NRXN3: variants seen among roughly 807,000 people sequenced by gnomAD.
NRXN3 encodes the protein neurexin III.
A neutral mutation model predicts 137.6 loss-of-function variants in NRXN3; 32 were observed. The ratio of observed to expected loss-of-function variants is 0.23; its 90% CI spans 0.18 to 0.31. The LOEUF (loss-of-function observed/expected upper bound fraction) is 0.31, where lower values mean the gene tolerates loss of function less well. NRXN3 is among the 10% of genes least tolerant of loss of function. NRXN3 has a pLI of 1.00. For synonymous variants in NRXN3, 798 were observed against 784.5 expected (o/e 1.02, Z -0.29); for missense variants, 1,574 against 2,062.5 (o/e 0.76, Z 4.59).
chr14:79,221,562 G>T (rs1027899978), intron 15 of NRXN3, among the ~76,000 whole-genome samples: 1 of 152,152 alleles, frequency 6.6e-6, no homozygotes, highest in African/African-American at 2.4e-5. Context: ...TTTGAGAAGT[G>T]TCTGCTCATA....
chr14:78,889,899 C>T (rs541872927), intron 10 of NRXN3, among the ~76,000 whole-genome samples: 15 of 151,966 alleles, frequency 9.9e-5, no homozygotes, highest in African/African-American at 3.1e-4. Context: ...ACAGGTGGGC[C>T]CTAAATCCAG....
chr14:79,409,596 A>AGTGT (rs34072420), intron 15 of NRXN3, among the ~76,000 whole-genome samples: 2,307 of 128,870 alleles, frequency 0.018, 48 homozygotes, highest in East Asian at 0.086. Flanking sequence ...TGTCTTAGCA[A>AGTGT]GTGTGTGTGT....
intron 6 of NRXN3, among the ~76,000 whole-genome samples, chr14:78,664,151 C>T (rs2097862453): frequency 6.6e-6 from 1 of 152,164 alleles, no homozygotes; most frequent in Non-Finnish European, 1.5e-5. Context: ...CTCCTCCTTC[C>T]CTCTCCCTTA....
At chr14:79,693,648 C>G (rs746376316) in intron 18 of NRXN3, among the ~76,000 whole-genome samples, 5 of 151,530 alleles carry the variant, frequency 3.3e-5, no homozygotes, top group Admixed American at 6.6e-5. Context: ...TAATAGCATG[C>G]CAGGCATTTT....
intron 15 of NRXN3, among the ~76,000 whole-genome samples, chr14:79,414,325 C>T (rs893419510): frequency 2.0e-5 from 3 of 152,022 alleles, no homozygotes; most frequent in African/African-American, 4.8e-5. Flanking sequence ...TTCAGCTCTC[C>T]CTTTTCTTAT....
intron 20 of NRXN3, among the ~76,000 whole-genome samples, chr14:79,808,193 T>C (rs1006353166): frequency 1.1e-4 from 17 of 148,512 alleles, no homozygotes; most frequent in African/African-American, 3.7e-4. Flanking sequence ...GCCAAGATCA[T>C]GCCACTGCTC....
intron 6 of NRXN3, among the ~76,000 whole-genome samples, chr14:78,692,355 T>C (rs2098179563): frequency 6.6e-6 from 1 of 152,166 alleles, no homozygotes; most frequent in African/African-American, 2.4e-5. Context: ...TTGGCCTGAT[T>C]AGATGGTACT....
At position 78,725,065 on chromosome 14, in the gene NRXN3, A is replaced by C. The variant is rs193248427; in HGVS notation, c.2044+9926A>C. On this transcript the variant is annotated intron_variant, in intron 8 of 20. Coordinates refer to ENST00000335750, the MANE Select transcript of NRXN3 (RefSeq NM_001330195.2). ...CAAGACACTCTTATCAAAATGACAAACCCCAACAGAGCCTTCTAAGAGGCC... is the reference window on the plus strand; with the variant it reads ...CAAGACACTCTTATCAAAATGACAACCCCCAACAGAGCCTTCTAAGAGGCC... 5.8e-4 allele frequency among the ~76,000 whole-genome samples: 89 copies of C among 152,188 alleles called. No homozygotes were observed. In the East Asian group the frequency reaches 0.015, roughly 25 times the overall value.
Position 78,424,899 on chromosome 14 carries a change from T to G in NRXN3, c.757+127039T>G, listed in dbSNP as rs1305812174. On this transcript the variant is annotated intron_variant, in intron 4 of 20. Transcript: ENST00000335750. The stretch of plus-strand genomic sequence containing the variant: ...TACATAGTGAAGTGGAATCTAGATT[T>G]AGAGAGAGGCAGTCTGGTGTAATTG... 2.0e-5 allele frequency among the ~76,000 whole-genome samples: 3 copies of G among 152,194 alleles called. No homozygotes were observed. The East Asian group carries it at 5.8e-4, about 29-fold the overall frequency.
chr14:79,408,400 C>A (rs980106378), intron 15 of NRXN3, among the ~76,000 whole-genome samples: 4 of 152,126 alleles, frequency 2.6e-5, no homozygotes, highest in African/African-American at 9.7e-5. Context: ...AACGTCACTA[C>A]AGTTAATTTT....
At chr14:78,570,684 G>A (rs2096881089) in intron 4 of NRXN3, among the ~76,000 whole-genome samples, 1 of 152,168 alleles carries the variant, frequency 6.6e-6, no homozygotes, top group Admixed American at 6.5e-5. Flanking sequence ...TTGAGTGTGA[G>A]GGAACAGAGG....
intron 1 of NRXN3, among the ~76,000 whole-genome samples, chr14:78,213,698 A>G (rs1201731520): frequency 1.3e-5 from 2 of 151,118 alleles, no homozygotes; most frequent in African/African-American, 4.9e-5. Flanking sequence ...GCTGTTGTCA[A>G]CTCTGCTCTC....
chr14:79,326,319 T>C (rs2090860902), intron 15 of NRXN3, among the ~76,000 whole-genome samples: 1 of 152,162 alleles, frequency 6.6e-6, no homozygotes, highest in Non-Finnish European at 1.5e-5. Flanking sequence ...GTGCCAACAA[T>C]ATGTCTGGTA....
intron 17 of NRXN3, among the ~76,000 whole-genome samples, chr14:79,677,942 C>G (rs1302662019): frequency 6.6e-6 from 1 of 152,174 alleles, no homozygotes; most frequent in Middle Eastern, 3.4e-3. Context: ...ACACATAGGC[C>G]AAAACATTAT....
At chr14:79,434,982 G>C (rs1449882051) in intron 15 of NRXN3, among the ~76,000 whole-genome samples, 1 of 152,168 alleles carries the variant, frequency 6.6e-6, no homozygotes, top group Non-Finnish European at 1.5e-5. Flanking sequence ...GTTGTCCGCA[G>C]CCAGGACTTC....
In NRXN3 at chr14:79,749,301, A is replaced by C. The variant is rs567542673; in HGVS notation, c.4014+51364A>C. Among the ~76,000 whole-genome samples the C allele has an allele frequency of 5.3e-5, 8 of 152,258 alleles. No individual in the cohort carries two copies. In the South Asian group the frequency reaches 1.4e-3, roughly 28 times the overall value. On this transcript the variant is annotated intron_variant, in intron 19 of 20. Coordinates refer to ENST00000335750, the MANE Select transcript of NRXN3 (RefSeq NM_001330195.2). ...GGGCTGCTTCACTATGCATGAGAGC[A>C]CATCCACACCTCCATCCAGATGGTG...
intron 10 of NRXN3, among the ~76,000 whole-genome samples, chr14:78,926,743 AT>A (rs1293695501): frequency 1.9e-4 from 12 of 63,694 alleles, no homozygotes; most frequent in African/African-American, 1.1e-3. Context: ...TAAAATATAT[AT>A]TATATATTAT....
chr14:79,501,521 A>T (rs996110212), intron 16 of NRXN3, among the ~76,000 whole-genome samples: 2 of 152,190 alleles, frequency 1.3e-5, no homozygotes, highest in Non-Finnish European at 1.5e-5. Flanking sequence ...GATTTCTAAA[A>T]TATTGTGCAT....
chr14:78,183,897 A>G (rs1262606750), intron 1 of NRXN3, among the ~76,000 whole-genome samples: 1 of 152,186 alleles, frequency 6.6e-6, no homozygotes, highest in African/African-American at 2.4e-5. Context: ...TTCTCCAAGA[A>G]GGGGCGGATG....
Sources: allele counts gnomAD v4.1 joint callset (sites outside exome capture counted in the v4.1 genomes callset), GRCh38; gene constraint gnomAD v4.1.1; transcripts MANE v1.5; gene names NCBI Gene and HGNC (gene_info 2026-07-23, HGNC 2026-07-21).